The following CUL9 variants were observed in gnomAD, a reference collection of about 807,000 sequenced individuals.
The protein encoded by CUL9 is cullin-9.
In CUL9, 79 loss-of-function variants were observed where a neutral mutation model predicts 272.6. That is an observed-to-expected ratio of 0.29 (90% CI 0.24 to 0.35). The LOEUF is 0.35. Among genes scored for constraint, CUL9 ranks in the 10% least tolerant of loss-of-function variants. CUL9 has a pLI of 1.00. For synonymous variants in CUL9, 1,186 were observed against 1,286.5 expected, an observed-to-expected ratio of 0.92 and a Z score of 1.67; for missense variants, 2,532 against 3,255.6, an observed-to-expected ratio of 0.78 and a Z score of 5.41.
At chr6:43,219,682 C>T (rs1776183718) in intron 31 of CUL9, among the ~76,000 whole-genome samples, 1 of 152,108 alleles carries the variant, frequency 6.6e-6, no homozygotes, top group Admixed American at 6.6e-5. Flanking sequence ...AAGGCATGGC[C>T]ATAGGCAGTG....
chr6:43,203,494 G>C lies in CUL9; in HGVS notation c.3927G>C (p.Gln1309His), dbSNP rs775062903. ...KPTFWPLFRE[Q>H]LCRRTCLFYT... ...CATTCTGGCCACTGTTCCGGGAGCA[G>C]CTGTGTCGCCGAACATGTCTCTTCT... Residue 1309 changes from glutamine (Q) to histidine (H), a missense_variant, in exon 19 of 41, where the codon CAG becomes CAC. This residue lies in a region of CUL9 where 2,218 missense variants were observed against 2,788.6 expected (regional missense o/e 0.80). Coordinates refer to ENST00000252050, the MANE Select transcript of CUL9 (RefSeq NM_015089.4). This position sits in a 1 kb window ranked among gnomAD's most constrained non-coding sequence, Gnocchi z 5.0. The C allele has an allele frequency of 4.3e-6, 7 of 1,614,086 alleles. No individual in the cohort carries two copies. In the African/African-American group the frequency reaches 8.0e-5, roughly 18 times the overall value.
Position 43,200,609 on chromosome 6 carries a change from T to C in CUL9, c.3476-54T>C. 6.2e-7 allele frequency: 1 copy of C among 1,613,524 alleles called. No homozygotes were observed. Among genetic ancestry groups the C allele is most frequent in the Non-Finnish European group, 8.5e-7 (1 of 1,179,528 alleles). On this transcript the variant is annotated intron_variant, in intron 15 of 40. Coordinates refer to ENST00000252050, the MANE Select transcript of CUL9 (RefSeq NM_015089.4). The surrounding 1 kb of genome is among the most constrained non-coding windows in gnomAD (Gnocchi z 4.0). ...CTTCCTGCTCCTTAGACCTTTTCCT[T>C]TTTCCTCTCAACTAACCTAGCTGTG...
In CUL9 at chr6:43,218,139, A is replaced by G. The variant is rs969269453; in HGVS notation, c.6282+1636A>G. On this transcript the variant is annotated intron_variant, in intron 31 of 40. Coordinates refer to ENST00000252050, the MANE Select transcript of CUL9 (RefSeq NM_015089.4). The surrounding 1 kb of genome is among the most constrained non-coding windows in gnomAD (Gnocchi z 4.4). ...AGTGGATTTTATTTTATGAGAAGCC[A>G]TGGTGGGTTTAAGCAGAATATTGAT... 6.6e-6 allele frequency among the ~76,000 whole-genome samples: 1 copy of G among 152,060 alleles called. No individual in the cohort carries two copies. Among genetic ancestry groups the G allele is most frequent in the Non-Finnish European group, 1.5e-5 (1 of 68,000 alleles).
intron 1 of CUL9, among the ~76,000 whole-genome samples, chr6:43,183,840 C>A (rs1772672905): frequency 6.6e-6 from 1 of 152,080 alleles, no homozygotes; most frequent in African/African-American, 2.4e-5. Flanking sequence ...GCAACCTCCG[C>A]CTCCTGGGTT....
intron 30 of CUL9, among the ~76,000 whole-genome samples, chr6:43,215,686 G>T (rs944889470): frequency 6.6e-6 from 1 of 152,188 alleles, no homozygotes; most frequent in Non-Finnish European, 1.5e-5. Context: ...CATGCCTGCT[G>T]TTTGCATCAT....
In CUL9 at chr6:43,220,789, A is replaced by G. The variant is rs1014032812; in HGVS notation, c.6466A>G (p.Asn2156Asp). 6.2e-6 allele frequency: 10 copies of G among 1,613,304 alleles called. No individual in the cohort carries two copies. Among genetic ancestry groups the G allele is most frequent in the Non-Finnish European group, 8.5e-6 (10 of 1,179,988 alleles). Reference protein sequence around the residue: ...LLRGYVESCSNLTWCTNPQGC... With the variant: ...LLRGYVESCSDLTWCTNPQGC... ...GCGTGGCTATGTGGAGAGCTGCTCC[A>G]ACCTGACCTGGTGCACCAACCCCCA... is the stretch of plus-strand genomic sequence containing the variant. Residue 2156 changes from asparagine to aspartate, a missense_variant, in exon 33 of 41, where the codon AAC (asparagine) becomes GAC (aspartate). Transcript: ENST00000252050. The surrounding 1 kb of genome is among the most constrained non-coding windows in gnomAD (Gnocchi z 4.9).
Position 43,204,373 on chromosome 6 carries a change from G to T in CUL9, c.4173G>T (p.Val1391=), listed in dbSNP as rs765041433. The T allele has an allele frequency of 2.4e-5, 38 of 1,613,892 alleles. No homozygotes were observed. Among genetic ancestry groups the T allele is most frequent in the Non-Finnish European group, 3.1e-5 (37 of 1,179,878 alleles). ...GTCTTCTTTCAGATGCGGAAGGCGT[G>T]AGTGCCCTGGGATGGCTGCTGGATC... ...QNITSPDAEG[V]SALGWLLDQY... The change falls in exon 21 of 41, where the codon GTG becomes GTT. Residue 1391 remains valine (V), a synonymous_variant. Coordinates refer to ENST00000252050, the MANE Select transcript of CUL9 (RefSeq NM_015089.4).
chr6:43,219,812 C>T (rs1056659693), intron 31 of CUL9, among the ~76,000 whole-genome samples: 3 of 152,066 alleles, frequency 2.0e-5, no homozygotes, highest in Admixed American at 6.5e-5. Flanking sequence ...ATGGATCAGG[C>T]TCTCACAGTG....
At position 43,223,404 on chromosome 6, in the gene CUL9, C is replaced by T; in HGVS notation, c.7284+7C>T. 2 of 1,588,620 alleles carry T rather than the reference C, an allele frequency of 1.3e-6. No individual in the cohort carries two copies. The highest frequency in any genetic ancestry group is 1.7e-6 in the Non-Finnish European group (2 of 1,166,414). The stretch of plus-strand genomic sequence containing the variant: ...CCTGCAGCATTCTGCCCAGGTACTG[C>T]CCGGCCCAGACCCCTTCTGCTCCTG... On this transcript the variant is annotated splice_region_variant and intron_variant, in intron 39 of 40. Coordinates refer to ENST00000252050, the MANE Select transcript of CUL9 (RefSeq NM_015089.4). This position sits in a 1 kb window ranked among gnomAD's most constrained non-coding sequence, Gnocchi z 4.1.
chr6:43,203,086 C>G lies in CUL9; in HGVS notation c.3754-23C>G. ...TGTTTCTGGAGGTGACAGTTCTCTC[C>G]CTCTTCTCCCCTGCCCTACCAGGTG... On this transcript the variant is annotated intron_variant, in intron 17 of 40. Coordinates refer to ENST00000252050, the MANE Select transcript of CUL9 (RefSeq NM_015089.4). This position sits in a 1 kb window ranked among gnomAD's most constrained non-coding sequence, Gnocchi z 5.0. The G allele has an allele frequency of 6.2e-7, 1 of 1,611,592 alleles. No homozygotes were observed. The highest frequency in any genetic ancestry group is 8.5e-7 in the Non-Finnish European group (1 of 1,179,132).
chr6:43,220,933 T>G lies in CUL9; in HGVS notation c.6588+22T>G. The stretch of plus-strand genomic sequence containing the variant: ...TGAGGTGGGAGCCCCACACTGGCCC[T>G]GACCCTGAGCAAGGATTCACACTCC... On this transcript the variant is annotated intron_variant, in intron 33 of 40. Transcript: ENST00000252050. This position sits in a 1 kb window ranked among gnomAD's most constrained non-coding sequence, Gnocchi z 4.9. 2 of 1,588,992 alleles carry G rather than the reference T, an allele frequency of 1.3e-6. No individual in the cohort carries two copies.
At chr6:43,207,252 A>G (rs575113380) in intron 26 of CUL9, among the ~76,000 whole-genome samples, 2 of 152,322 alleles carry the variant, frequency 1.3e-5, no homozygotes, top group Non-Finnish European at 1.5e-5. Context: ...GATACAGAAC[A>G]TTTCCAGCAT....
In CUL9 at chr6:43,215,247, G is replaced by A. The variant is rs145669581; in HGVS notation, c.5857G>A (p.Ala1953Thr). Reference sequence around the variant, plus strand: ...CCGGCCCCAGATCCTGATGTATGCCGCTCCAGAGCCCATGGGGCCCTGCCG... The same window carrying A: ...CCGGCCCCAGATCCTGATGTATGCCACTCCAGAGCCCATGGGGCCCTGCCG... ...DDRPQILMYA[A>T]PEPMGPCRGQ... The change falls in exon 30 of 41, where the codon GCT becomes ACT. Residue 1953 changes from alanine to threonine, a missense_variant. Ala to Thr is a moderately conservative substitution (Grantham distance 58, BLOSUM62 0). Coordinates refer to ENST00000252050, the MANE Select transcript of CUL9 (RefSeq NM_015089.4). 1,295 of 1,614,132 alleles carry A rather than the reference G, an allele frequency of 8.0e-4. 3 individuals are homozygous for A. The highest frequency in any genetic ancestry group is 1.2e-3 in the Admixed American group (75 of 60,022).
At chr6:43,189,528 CTATTT>C (rs1773247187) in intron 8 of CUL9, among the ~76,000 whole-genome samples, 1 of 151,870 alleles carries the variant, frequency 6.6e-6, no homozygotes, top group African/African-American at 2.4e-5. Flanking sequence ...TATTCTCATT[CTATTT>C]ATTTATTTTT....
intron 31 of CUL9, among the ~76,000 whole-genome samples, chr6:43,217,648 C>T (rs893082737): frequency 6.6e-6 from 1 of 152,186 alleles, no homozygotes; most frequent in Non-Finnish European, 1.5e-5. Flanking sequence ...CACGTGCATG[C>T]GTGTGTATTC....
Position 43,221,540 on chromosome 6 carries a change from T to C in CUL9, c.6753-145T>C. ...GGGGGAGTTCAAAAGCAGAGGTGCA[T>C]TCAGCAGGGCTGGGTATGACTAAGG... On this transcript the variant is annotated intron_variant, in intron 34 of 40. Coordinates refer to ENST00000252050, the MANE Select transcript of CUL9 (RefSeq NM_015089.4). This position sits in a 1 kb window ranked among gnomAD's most constrained non-coding sequence, Gnocchi z 4.2. 1 of 876,210 alleles carries C rather than the reference T, an allele frequency of 1.1e-6. No individual in the cohort carries two copies. The highest frequency in any genetic ancestry group is 1.7e-6 in the Non-Finnish European group (1 of 575,868). The allele number at this position is 876,210 out of a possible 1,614,324, so 54.3% of individuals were successfully genotyped here.
At position 43,220,551 on chromosome 6, in the gene CUL9, C is replaced by A; in HGVS notation, c.6375C>A (p.Thr2125=). Reference sequence around the variant, plus strand: ...TTGCCGACTGCCCCGCCCAGCCCACCGGAGCCTTCATTCGTGCCATCGTCT... The same window carrying A: ...TTGCCGACTGCCCCGCCCAGCCCACAGGAGCCTTCATTCGTGCCATCGTCT... ...CPIADCPAQP[T]GAFIRAIVSS... Residue 2125 remains threonine, a synonymous_variant, in exon 32 of 41, where the codon ACC becomes ACA. Coordinates refer to ENST00000252050, the MANE Select transcript of CUL9 (RefSeq NM_015089.4). The surrounding 1 kb of genome is among the most constrained non-coding windows in gnomAD (Gnocchi z 4.9). The A allele has an allele frequency of 6.2e-7, 1 of 1,614,144 alleles. No homozygotes were observed. The highest frequency in any genetic ancestry group is 1.3e-5 in the African/African-American group (1 of 75,026).
chr6:43,198,711 G>A lies in CUL9; in HGVS notation c.2906G>A (p.Arg969His), dbSNP rs145736095. ...GCAGAACTACTCCTGGACTTGGAGC[G>A]TGTGCTGTGCCGTGAGGGCAGCCCC... Reference protein sequence around the residue: ...PSAELLLDLERVLCREGSPGG... With the variant: ...PSAELLLDLEHVLCREGSPGG... Residue 969 changes from arginine to histidine, a missense_variant, in exon 12 of 41, where the codon CGT (arginine) becomes CAT (histidine). Transcript: ENST00000252050. The A allele has an allele frequency of 8.2e-5, 133 of 1,614,062 alleles. No homozygotes were observed. The highest frequency in any genetic ancestry group is 8.9e-5 in the Non-Finnish European group (105 of 1,180,030).
At chr6:43,207,073 ACCTCAGGTG>A (rs1775104295) in intron 26 of CUL9, among the ~76,000 whole-genome samples, 1 of 152,126 alleles carries the variant, frequency 6.6e-6, no homozygotes, top group African/African-American at 2.4e-5. Flanking sequence ...CAAACTCCTG[ACCTCAGGTG>A]ATCCACCCGC....
Sources: gnomAD v4.1 joint callset for allele counts (sites outside exome capture counted in the v4.1 genomes callset) on GRCh38, gnomAD v4.1.1 for gene constraint, gnomAD v4.1.1 regional missense constraint, Gnocchi (gnomAD v3.1) non-coding constraint, MANE v1.5 for transcripts, NCBI Gene and HGNC (gene_info 2026-07-23, HGNC 2026-07-21) for gene names.